MMP3: variants seen among roughly 807,000 people sequenced by gnomAD.
MMP3 encodes stromelysin-1.
MMP3 carries 46 observed loss-of-function variants against 47.3 expected under a neutral mutation model. That is an observed-to-expected ratio of 0.97 (90% CI 0.77 to 1.24). The LOEUF is 1.24. Among genes scored for constraint, MMP3 ranks in the 50% most tolerant of loss-of-function variants. MMP3 has a pLI of 0.00. For missense variants in MMP3, 558 were observed against 565.5 expected (o/e 0.99, Z 0.13); for synonymous variants, 216 against 206.5 (o/e 1.05, Z -0.39).
chr11:102,838,407 A>C lies in MMP3; in HGVS notation c.1229+144T>G, dbSNP rs150645426. 1.6e-3 allele frequency: 1,414 copies of C among 900,262 alleles called. 23 individuals are homozygous for C. The East Asian group carries it at 0.033, about 21-fold the overall frequency. 55.8% of individuals were successfully genotyped at this position (900,262 alleles called of 1,614,324 possible). ...GCCTAAGGTGCTGCTGTTTTAAAGT[A>C]AGAACTTTCCCACAGTTGTCTGAAG... On this transcript the variant is annotated intron_variant, in intron 8 of 9. Coordinates refer to ENST00000299855, the MANE Select transcript of MMP3 (RefSeq NM_002422.5).
rs371729344 is a variant in MMP3, at chr11:102,837,263, G to T, written c.1333+35C>A. 32 of 1,492,942 alleles carry T rather than the reference G, an allele frequency of 2.1e-5. 1 individual carries two copies. The allele number at this position is 1,492,942 out of a possible 1,614,324, so 92.5% of individuals were successfully genotyped here. On this transcript the variant is annotated intron_variant, in intron 9 of 9. Coordinates refer to ENST00000299855, the MANE Select transcript of MMP3 (RefSeq NM_002422.5). The surrounding 1 kb of genome is among the most constrained non-coding windows in gnomAD (Gnocchi z 4.4). ...CCTCTGATATCATAAAATGTTTCAA[G>T]TGCTCTATGGCCAACACAGTAAGTA...
In MMP3 at chr11:102,838,631, T is replaced by C. The variant is rs1555004942; in HGVS notation, c.1149A>G (p.Pro383=). ...TGGCTGCATCGATTTTCCTCACGGTTGGAGGGAAACCTAGGGTGTGGATGC... is the reference window on the plus strand; with the variant it reads ...TGGCTGCATCGATTTTCCTCACGGTCGGAGGGAAACCTAGGGTGTGGATGC... The part of the protein sequence containing the change: ...PRGIHTLGFP[P]TVRKIDAAIS... The change falls in exon 8 of 10, where the codon CCA becomes CCG. Residue 383 remains proline (P), a synonymous_variant. Transcript: ENST00000299855. The C allele has an allele frequency of 6.2e-7, 1 of 1,614,064 alleles. No homozygotes were observed. The highest frequency in any genetic ancestry group is 8.5e-7 in the Non-Finnish European group (1 of 1,179,952).
rs1858884653 is a variant in MMP3, at chr11:102,836,497, A to T, written c.1334-271T>A. On this transcript the variant is annotated intron_variant, in intron 9 of 9. Coordinates refer to ENST00000299855, the MANE Select transcript of MMP3 (RefSeq NM_002422.5). This position sits in a 1 kb window ranked among gnomAD's most constrained non-coding sequence, Gnocchi z 4.6. ...CTTCCTCAAGGTTACTCAGCAAGGA[A>T]GAATGGAGACAGCACTCGGTGCCAG... The T allele has an allele frequency of 1.8e-6, 1 of 547,594 alleles. No individual in the cohort carries two copies. Among genetic ancestry groups the T allele is most frequent in the African/African-American group, 1.9e-5 (1 of 53,058 alleles). The allele number at this position is 547,594 out of a possible 1,614,324, so 33.9% of individuals were successfully genotyped here.
In MMP3 at chr11:102,840,999, G is replaced by T. The variant is rs369214833; in HGVS notation, c.626-406C>A. Among the ~76,000 whole-genome samples, 160 of 152,170 alleles carry T rather than the reference G, an allele frequency of 1.1e-3. No individual in the cohort carries two copies. The Middle Eastern group carries it at 0.027, about 26-fold the overall frequency. Reference sequence around the variant, plus strand: ...ACACTGTTTTAATATATTTACATTTGCCATTTGCAGTCTCAGTTAAAGGAA... The same window carrying T: ...ACACTGTTTTAATATATTTACATTTTCCATTTGCAGTCTCAGTTAAAGGAA... On this transcript the variant is annotated intron_variant, in intron 4 of 9. Coordinates refer to ENST00000299855, the MANE Select transcript of MMP3 (RefSeq NM_002422.5).
At chr11:102,840,297 C>A (rs1173967259) in intron 5 of MMP3, 45 bp from the exon 6 acceptor site, 1 of 1,602,206 alleles carries the variant, frequency 6.2e-7, no homozygotes, top group African/African-American at 1.3e-5. Context: ...CAATATATGC[C>A]CATTTGTATG....
In MMP3 at chr11:102,838,634, A is replaced by C. The variant is rs782792560; in HGVS notation, c.1146T>G (p.Pro382=). ...YPRGIHTLGF[P]PTVRKIDAAI... is the part of the protein sequence containing the mutation. ...CTGCATCGATTTTCCTCACGGTTGGAGGGAAACCTAGGGTGTGGATGCCTC... is the reference window on the plus strand; with the variant it reads ...CTGCATCGATTTTCCTCACGGTTGGCGGGAAACCTAGGGTGTGGATGCCTC... The change falls in exon 8 of 10, where the codon CCT becomes CCG. Residue 382 remains proline (P), a synonymous_variant. Transcript: ENST00000299855. 21 of 1,613,392 alleles carry C rather than the reference A, an allele frequency of 1.3e-5. No individual in the cohort carries two copies. The highest frequency in any genetic ancestry group is 1.7e-5 in the Non-Finnish European group (20 of 1,179,948).
intron 8 of MMP3, 144 bp downstream of exon 8, chr11:102,838,407 A>G: frequency 2.2e-6 from 2 of 900,270 alleles, no homozygotes; most frequent in Non-Finnish European, 3.4e-6. Context: ...GTTTTAAAGT[A>G]AGAACTTTCC....
At chr11:102,839,322 A>G in intron 6 of MMP3, 79 bp from the exon 7 acceptor site, 1 of 1,529,302 alleles carries the variant, frequency 6.5e-7, no homozygotes, top group Non-Finnish European at 9.0e-7. Flanking sequence ...GTCTTGCCTC[A>G]CCCAGCTTCC....
chr11:102,836,123 C>A lies in MMP3; in HGVS notation c.*3G>T. 6.2e-7 allele frequency: 1 copy of A among 1,610,948 alleles called. No individual in the cohort carries two copies. Among genetic ancestry groups the A allele is most frequent in the Non-Finnish European group, 8.5e-7 (1 of 1,177,232 alleles). On this transcript the variant is annotated 3_prime_UTR_variant, in exon 10 of 10. Transcript: ENST00000299855. The surrounding 1 kb of genome is among the most constrained non-coding windows in gnomAD (Gnocchi z 4.6). The stretch of plus-strand genomic sequence containing the variant: ...CCCATATTGTGCCTTCTACATATCT[C>A]TTTCAACAATTAAGCCAGCTGTTAC...
chr11:102,840,254 T>C lies in MMP3; in HGVS notation c.791-2A>G, dbSNP rs1282624285. ...TCTCAGGGGAGTCAGGGGGAGGTCC[T>C]AAAGGGAACATTAGGGGAAATGTGA... On this transcript the variant is annotated splice_acceptor_variant, in intron 5 of 9. Coordinates refer to ENST00000299855, the MANE Select transcript of MMP3 (RefSeq NM_002422.5). LOFTEE classifies it high-confidence loss of function. 1 of 1,612,130 alleles carries C rather than the reference T, an allele frequency of 6.2e-7. No homozygotes were observed.
Position 102,838,707 on chromosome 11 carries a change from T to C in MMP3, c.1073A>G (p.Asn358Ser). 6.2e-7 allele frequency: 1 copy of C among 1,612,112 alleles called. No homozygotes were observed. The highest frequency in any genetic ancestry group is 2.2e-5 in the East Asian group (1 of 44,814). ...ATTTCCTCTGATAGCCCAGAATTGA[T>C]TTCCTGTTAAATATAAATAATTCAG... ...SKDLVFIFKG[N>S]QFWAIRGNEV... Residue 358 changes from asparagine (N) to serine (S), a missense_variant, in exon 8 of 10, where the codon AAT becomes AGT. By Grantham distance (46) the Asn-to-Ser change is conservative (BLOSUM62 1). Transcript: ENST00000299855.
chr11:102,843,414 C>T (rs781908478), intron 1 of MMP3, 28 bp downstream of exon 1: 3 of 1,561,194 alleles, frequency 1.9e-6, no homozygotes, highest in East Asian at 4.5e-5. Flanking sequence ...AAGCTCCCCA[C>T]CTGGCCAGGT....
In MMP3 at chr11:102,836,501, TG is replaced by T. The variant is rs782515077; in HGVS notation, c.1334-276del. On this transcript the variant is annotated intron_variant, in intron 9 of 9. Coordinates refer to ENST00000299855, the MANE Select transcript of MMP3 (RefSeq NM_002422.5). The surrounding 1 kb of genome is among the most constrained non-coding windows in gnomAD (Gnocchi z 4.6). The stretch of plus-strand genomic sequence containing the variant: ...CTCAAGGTTACTCAGCAAGGAAGAA[TG>T]GAGACAGCACTCGGTGCCAGCTCTG... The T allele has an allele frequency of 4.4e-5, 24 of 542,658 alleles. No homozygotes were observed. The highest frequency in any genetic ancestry group is 1.1e-5 in the Non-Finnish European group (3 of 274,234). 33.6% of individuals were successfully genotyped at this position (542,658 alleles called of 1,614,324 possible).
chr11:102,842,752 G>T lies in MMP3; in HGVS notation c.270C>A (p.Pro90=). 1.2e-6 allele frequency: 2 copies of T among 1,613,896 alleles called. No individual in the cohort carries two copies. The highest frequency in any genetic ancestry group is 1.7e-6 in the Non-Finnish European group (2 of 1,179,938). The part of the protein sequence containing the change: ...DSDTLEVMRK[P]RCGVPDVGHF... ...GACCAACATCAGGAACTCCACACCT[G>T]GGCTTGCGCATCACCTCCAGAGTGT... Residue 90 remains proline, a synonymous_variant, in exon 2 of 10, where the codon CCC becomes CCA. Coordinates refer to ENST00000299855, the MANE Select transcript of MMP3 (RefSeq NM_002422.5).
chr11:102,835,859 A>C lies in MMP3; in HGVS notation c.*267T>G. On this transcript the variant is annotated 3_prime_UTR_variant, in exon 10 of 10. Transcript: ENST00000299855. ...GCAAATAGTCTACACAGATACAGTC[A>C]CTTGTCTGTTGCACACGAGTGCTTC... 2.5e-6 allele frequency: 1 copy of C among 399,260 alleles called. No individual in the cohort carries two copies. 24.7% of individuals were successfully genotyped at this position (399,260 alleles called of 1,614,324 possible).
In MMP3 at chr11:102,839,196, A is replaced by G. The variant is rs1382056600; in HGVS notation, c.983T>C (p.Leu328Ser). ...AAGAGATGGCCAAAATGAAGAGATC[A>G]AATGCAATTCAGGTTCAAGCTTCCT... ...SLRKLEPELH[L>S]ISSFWPSLPS... The change falls in exon 7 of 10, where the codon TTG (leucine) becomes TCG (serine). Residue 328 changes from leucine (L) to serine (S), a missense_variant. Transcript: ENST00000299855. 6.2e-7 allele frequency: 1 copy of G among 1,614,070 alleles called. No individual in the cohort carries two copies. Among genetic ancestry groups the G allele is most frequent in the Non-Finnish European group, 8.5e-7 (1 of 1,180,018 alleles).
At position 102,839,126 on chromosome 11, in the gene MMP3, G is replaced by A. The variant is rs782345550; in HGVS notation, c.1053C>T (p.Leu351=). The part of the protein sequence containing the change: ...DAAYEVTSKD[L]VFIFKGNQFW... ...AGTAATTACCTTTAAAAATGAAAACGAGGTCCTTGCTAGTAACTTCATATG... is the reference window on the plus strand; with the variant it reads ...AGTAATTACCTTTAAAAATGAAAACAAGGTCCTTGCTAGTAACTTCATATG... Residue 351 remains leucine, a synonymous_variant, in exon 7 of 10, where the codon CTC becomes CTT. Transcript: ENST00000299855. The A allele has an allele frequency of 6.4e-5, 103 of 1,612,912 alleles. No homozygotes were observed. The highest frequency in any genetic ancestry group is 8.0e-5 in the Non-Finnish European group (94 of 1,179,668).
rs1858950005 is a variant in MMP3 at position 102,839,318 on chromosome 11, C to T, written c.936-75G>A. 1.9e-6 allele frequency: 3 copies of T among 1,541,280 alleles called. No individual in the cohort carries two copies. The African/African-American group carries it at 4.1e-5, about 21-fold the overall frequency. On this transcript the variant is annotated intron_variant, in intron 6 of 9. Transcript: ENST00000299855. ...TTAGAATATTTTCCTCACCGTCTTG[C>T]CTCACCCAGCTTCCCCCATTCTCTC...
intron 4 of MMP3, among the ~76,000 whole-genome samples, chr11:102,841,338 A>G (rs190833516): frequency 6.6e-6 from 1 of 152,332 alleles, no homozygotes; most frequent in Non-Finnish European, 1.5e-5. Flanking sequence ...TTGTGATGCT[A>G]GGAACAATCT....
Sources: allele counts gnomAD v4.1 joint callset (sites outside exome capture counted in the v4.1 genomes callset), GRCh38; gene constraint gnomAD v4.1.1; non-coding constraint Gnocchi (gnomAD v3.1); transcripts MANE v1.5; gene names NCBI Gene and HGNC (gene_info 2026-07-23, HGNC 2026-07-21).